The following NBAS variants were observed in gnomAD, a reference collection of about 807,000 sequenced individuals.
NBAS encodes the protein NBAS subunit of NRZ tethering complex, also known as NAG/BC035112 fusion.
In NBAS, 219 loss-of-function variants were observed where a neutral mutation model predicts 302.5. The ratio of observed to expected loss-of-function variants is 0.72; its 90% CI spans 0.65 to 0.81. The LOEUF (loss-of-function observed/expected upper bound fraction) is 0.81. NBAS is among the 30% of genes least tolerant of loss of function. The probability of loss-of-function intolerance (pLI) is 0.00; values close to 1 mark genes in which losing one functional copy is unlikely to be tolerated. For synonymous variants in NBAS, 1,118 were observed against 1,021.6 expected, an observed-to-expected ratio of 1.09 and a Z score of -1.80; for missense variants, 2,932 against 2,841.6, an observed-to-expected ratio of 1.03 and a Z score of -0.72.
chr2:15,455,394 C>T (rs530060933), intron 21 of NBAS, among the ~76,000 whole-genome samples: 4 of 151,824 alleles, frequency 2.6e-5, no homozygotes, highest in Admixed American at 6.6e-5. Flanking sequence ...TTTCTAATTT[C>T]AACAAATATG....
chr2:15,362,325 A>AG (rs1221709682), intron 32 of NBAS, among the ~76,000 whole-genome samples: 1 of 150,316 alleles, frequency 6.7e-6, no homozygotes, highest in African/African-American at 2.4e-5. Context: ...CAAAAAAAAA[A>AG]AAAAGAAAGA....
At chr2:15,142,026 A>C in the NBAS span, among the ~76,000 whole-genome samples, 1 of 152,220 alleles carries the variant, frequency 6.6e-6, no homozygotes, top group East Asian at 1.9e-4. Flanking sequence ...CACAAAATTC[A>C]TGTCAGAGAA....
the NBAS span, among the ~76,000 whole-genome samples, chr2:15,106,068 G>A: frequency 0.031 from 4,642 of 152,162 alleles, 161 homozygotes; most frequent in Admixed American, 0.094. Flanking sequence ...GTCGATAAAC[G>A]AAATATTAAA....
the NBAS span, among the ~76,000 whole-genome samples, chr2:15,158,770 TG>T: frequency 6.6e-6 from 1 of 152,122 alleles, no homozygotes; most frequent in African/African-American, 2.4e-5. Context: ...CAGGTGGCCA[TG>T]TGCCCTGCCA....
At chr2:15,225,564 A>G (rs1053277138) in intron 47 of NBAS, among the ~76,000 whole-genome samples, 1 of 152,246 alleles carries the variant, frequency 6.6e-6, no homozygotes, top group Admixed American at 6.5e-5. Context: ...TCCCTAGATA[A>G]CAGCAAAGAG....
At chr2:15,093,137 C>T in the NBAS span, among the ~76,000 whole-genome samples, 1 of 152,044 alleles carries the variant, frequency 6.6e-6, no homozygotes, top group Admixed American at 6.6e-5. Flanking sequence ...ATTATTGGGC[C>T]GAGTGCAGTG....
the NBAS span, among the ~76,000 whole-genome samples, chr2:15,094,718 C>T: frequency 4.6e-5 from 7 of 152,284 alleles, no homozygotes; most frequent in African/African-American, 1.7e-4. Context: ...CGGCTGAACC[C>T]TGCAGTGCTC....
At chr2:15,286,612 T>C (rs955277313) in intron 42 of NBAS, among the ~76,000 whole-genome samples, 4 of 152,246 alleles carry the variant, frequency 2.6e-5, no homozygotes, top group African/African-American at 9.6e-5. Context: ...CTTCTACTTC[T>C]GTCGTTAATT....
chr2:14,835,140 C>T, the NBAS span, among the ~76,000 whole-genome samples: 1 of 151,898 alleles, frequency 6.6e-6, no homozygotes, highest in East Asian at 1.9e-4. Context: ...CACCTATTTG[C>T]GAAATTCAGC....
chr2:15,301,356 A>G (rs546345124), intron 40 of NBAS, among the ~76,000 whole-genome samples: 2 of 152,368 alleles, frequency 1.3e-5, no homozygotes, highest in South Asian at 4.1e-4. Context: ...AGGATCAAAC[A>G]GCAGAATGAA....
rs1187988718 is a variant in NBAS, at chr2:15,467,364, A to G, written c.2062T>C (p.Leu688=). Residue 688 remains leucine (L), a synonymous_variant, in exon 19 of 52, where the codon TTA becomes CTA. Coordinates refer to ENST00000281513, the MANE Select transcript of NBAS (RefSeq NM_015909.4). The part of the protein sequence containing the change: ...QKELCRCRRK[L]LTYLDRLATY... ...GCAAGTCGATCTAAGTAGGTTAATA[A>G]CTTCCGTCTACAACGGCAAAGTTCC... 12 of 1,613,596 alleles carry G rather than the reference A, an allele frequency of 7.4e-6. No individual in the cohort carries two copies. The highest frequency in any genetic ancestry group is 8.5e-6 in the Non-Finnish European group (10 of 1,179,684).
chr2:15,492,992 C>T (rs982711282), intron 11 of NBAS, among the ~76,000 whole-genome samples: 1 of 152,140 alleles, frequency 6.6e-6, no homozygotes, highest in African/African-American at 2.4e-5. Context: ...TTGTAATCCC[C>T]ATGTGTCAGG....
intron 11 of NBAS, among the ~76,000 whole-genome samples, chr2:15,498,506 A>G (rs1205015674): frequency 6.6e-6 from 1 of 152,246 alleles, no homozygotes; most frequent in African/African-American, 2.4e-5. Context: ...TAGTTCAACC[A>G]TTGTGGAAGC....
chr2:14,787,753 T>C, the NBAS span, among the ~76,000 whole-genome samples: 4 of 152,138 alleles, frequency 2.6e-5, no homozygotes, highest in Admixed American at 1.3e-4. Context: ...CTGCCCTTAA[T>C]ATTTTTTCCT....
intron 50 of NBAS, among the ~76,000 whole-genome samples, chr2:15,185,594 A>G (rs1199274494): frequency 6.6e-6 from 1 of 152,152 alleles, no homozygotes; most frequent in Non-Finnish European, 1.5e-5. Flanking sequence ...GGAGCCCACA[A>G]TATAGCAGAG....
the NBAS span, among the ~76,000 whole-genome samples, chr2:14,800,261 A>T: frequency 2.0e-5 from 3 of 152,198 alleles, no homozygotes; most frequent in Non-Finnish European, 4.4e-5. Flanking sequence ...GAGGTAATTG[A>T]ATCATGGGGG....
the NBAS span, among the ~76,000 whole-genome samples, chr2:14,887,398 T>TTAAAAAAAAAAAA: frequency 4.7e-3 from 451 of 95,596 alleles, 10 homozygotes; most frequent in African/African-American, 0.027. Context: ...GTGAGACTCC[T>TTAAAAAAAAAAAA]CAAAAAAAAA....
intron 21 of NBAS, among the ~76,000 whole-genome samples, chr2:15,457,220 G>A (rs1258758124): frequency 6.6e-6 from 1 of 152,144 alleles, no homozygotes; most frequent in African/African-American, 2.4e-5. Flanking sequence ...ACACTTAAGA[G>A]TCTAGTGACT....
intron 35 of NBAS, among the ~76,000 whole-genome samples, chr2:15,333,514 T>C (rs185495324): frequency 5.5e-4 from 84 of 152,326 alleles, no homozygotes; most frequent in African/African-American, 2.0e-3. Context: ...GTTTGGAGAC[T>C]GCTGCCTCAG....
Sources: gnomAD v4.1 joint callset for allele counts (sites outside exome capture counted in the v4.1 genomes callset) on GRCh38, gnomAD v4.1.1 for gene constraint, MANE v1.5 for transcripts, NCBI Gene and HGNC (gene_info 2026-07-23, HGNC 2026-07-21) for gene names.